The following KLF8 variants were observed in gnomAD, a reference collection of about 807,000 sequenced individuals.
KLF8 encodes KLF transcription factor 8.
A neutral mutation model predicts 18.2 loss-of-function variants in KLF8; 10 were observed. The observed-to-expected ratio is 0.55, with a 90% confidence interval of 0.34 to 0.93. The LOEUF (loss-of-function observed/expected upper bound fraction) is 0.93. Among genes scored for constraint, KLF8 ranks in the 40% least tolerant of loss-of-function variants. The pLI, the probability that KLF8 is intolerant of heterozygous loss-of-function variation, is 0.02. For missense variants in KLF8, 264 were observed against 277.9 expected, an observed-to-expected ratio of 0.95 and a Z score of 0.36; for synonymous variants, 109 against 97.3, an observed-to-expected ratio of 1.12 and a Z score of -0.71.
chrX:56,024,570 T>C, the KLF8 span, among the ~76,000 whole-genome samples: 1 of 111,538 alleles, frequency 9.0e-6, no homozygotes, highest in African/African-American at 3.3e-5. Context: ...CCGAGATCCC[T>C]GAGTGCACAA....
chrX:56,111,081 G>T, the KLF8 span, among the ~76,000 whole-genome samples: 1 of 111,768 alleles, frequency 8.9e-6, no homozygotes, highest in African/African-American at 3.2e-5. Context: ...TATTCTTGAA[G>T]AATAGTTTTA....
the KLF8 span, among the ~76,000 whole-genome samples, chrX:56,163,151 G>A: frequency 1.8e-5 from 2 of 111,532 alleles, no homozygotes; most frequent in African/African-American, 6.5e-5. Flanking sequence ...CTGTCTTTAG[G>A]TCTTTGAGGA....
At chrX:56,252,431 G>A (rs2066728367) in intron 2 of KLF8, among the ~76,000 whole-genome samples, 1 of 111,753 alleles carries the variant, frequency 8.9e-6, no homozygotes, top group Non-Finnish European at 1.9e-5. Context: ...GAGTTCAATG[G>A]TTTCGATTTT....
the KLF8 span, among the ~76,000 whole-genome samples, chrX:56,051,671 A>T: frequency 9.1e-6 from 1 of 110,068 alleles, no homozygotes; most frequent in African/African-American, 3.4e-5. Flanking sequence ...TTTGAGGGTA[A>T]CCCGACCTTT....
the KLF8 span, among the ~76,000 whole-genome samples, chrX:56,154,498 A>T: frequency 1.8e-5 from 2 of 111,815 alleles, no homozygotes. Flanking sequence ...AACCATAAAA[A>T]CCCTTGAAGA....
At chrX:56,251,415 T>A (rs963013278) in intron 2 of KLF8, among the ~76,000 whole-genome samples, 2 of 112,373 alleles carry the variant, frequency 1.8e-5, no homozygotes, top group East Asian at 5.5e-4. Context: ...CTTTTTGTTA[T>A]AATTTCAACT....
the KLF8 span, among the ~76,000 whole-genome samples, chrX:56,079,210 G>T: frequency 5.7e-3 from 631 of 111,021 alleles, 1 homozygote; most frequent in Non-Finnish European, 8.7e-3. Flanking sequence ...GCTCTTGCTT[G>T]TCTAGTCGTT....
chrX:55,918,433 C>T, the KLF8 span, among the ~76,000 whole-genome samples: 1 of 112,329 alleles, frequency 8.9e-6, no homozygotes, highest in Admixed American at 9.4e-5. Flanking sequence ...TACATGCAAA[C>T]TCATAAAGAT....
chrX:55,952,525 C>G, the KLF8 span, among the ~76,000 whole-genome samples: 1 of 112,311 alleles, frequency 8.9e-6, no homozygotes, highest in African/African-American at 3.2e-5. Flanking sequence ...GGCTGCATCA[C>G]TTCCACCTCT....
At chrX:56,187,042 A>G in the KLF8 span, among the ~76,000 whole-genome samples, 1 of 111,915 alleles carries the variant, frequency 8.9e-6, no homozygotes, top group Non-Finnish European at 1.9e-5. Flanking sequence ...GAACTGAAGG[A>G]AAGAGAGACA....
At chrX:56,271,828 A>C (rs1368890754) in intron 5 of KLF8, among the ~76,000 whole-genome samples, 4 of 110,845 alleles carry the variant, frequency 3.6e-5, no homozygotes, top group Non-Finnish European at 7.6e-5. Context: ...GGTTTGGACT[A>C]GGTAATCCCA....
chrX:56,195,323 C>T, the KLF8 span, among the ~76,000 whole-genome samples: 1 of 111,485 alleles, frequency 9.0e-6, no homozygotes, highest in East Asian at 2.8e-4. Flanking sequence ...CACAAGGAAG[C>T]TAAAACCCTT....
intron 1 of KLF8, chrX:56,243,110 A>G (rs1470496585): frequency 1.9e-5 from 10 of 525,988 alleles, no homozygotes; most frequent in Admixed American, 4.5e-5. Flanking sequence ...AACATCCACA[A>G]TGAACACAAG....
At chrX:56,036,580 G>A in the KLF8 span, among the ~76,000 whole-genome samples, 115 of 112,009 alleles carry the variant, frequency 1.0e-3, no homozygotes, top group African/African-American at 3.2e-3. Flanking sequence ...TGATTACCAC[G>A]ACTTTGTAGT....
the KLF8 span, among the ~76,000 whole-genome samples, chrX:56,090,876 AT>A: frequency 2.7e-5 from 3 of 111,469 alleles, no homozygotes; most frequent in African/African-American, 9.8e-5. Context: ...AATATATGGT[AT>A]TTCATTTTCT....
chrX:56,207,259 T>C, the KLF8 span, among the ~76,000 whole-genome samples: 4 of 112,879 alleles, frequency 3.5e-5, no homozygotes, highest in African/African-American at 1.3e-4. Flanking sequence ...TCTTGTTACT[T>C]GTGCAAATTT....
At chrX:55,935,463 T>C in the KLF8 span, among the ~76,000 whole-genome samples, 1 of 112,380 alleles carries the variant, frequency 8.9e-6, no homozygotes, top group Non-Finnish European at 1.9e-5. Context: ...ATGAGAAGCA[T>C]CTAGAGGAAC....
the KLF8 span, among the ~76,000 whole-genome samples, chrX:56,170,746 G>C: frequency 1.8e-5 from 2 of 110,979 alleles, no homozygotes; most frequent in Non-Finnish European, 3.8e-5. Context: ...GAAGTAGAGA[G>C]ATAGGGGTAG....
the KLF8 span, among the ~76,000 whole-genome samples, chrX:56,199,372 G>A: frequency 2.7e-5 from 3 of 111,318 alleles, no homozygotes; most frequent in African/African-American, 9.8e-5. Flanking sequence ...AATCTACAAA[G>A]AACTCTAACA....
Sources: allele counts gnomAD v4.1 joint callset (sites outside exome capture counted in the v4.1 genomes callset), GRCh38; gene constraint gnomAD v4.1.1; transcripts MANE v1.5; gene names NCBI Gene and HGNC (gene_info 2026-07-23, HGNC 2026-07-21).